Variants in MLIP observed in about 807,000 individuals in gnomAD.
MLIP encodes muscular LMNA interacting protein, also known as muscular LMNA-interacting protein.
In MLIP, 79 loss-of-function variants were observed where a neutral mutation model predicts 84.8. The observed-to-expected ratio is 0.93, with a 90% CI of 0.78 to 1.12. MLIP has a LOEUF of 1.12. MLIP is among the 50% of genes most tolerant of loss of function. The pLI is 0.00. For missense variants in MLIP, 1,257 were observed against 1,160.6 expected, an observed-to-expected ratio of 1.08 and a Z score of -1.21; for synonymous variants, 504 against 463.0, an observed-to-expected ratio of 1.09 and a Z score of -1.14.
chr6:54,252,013 TA>T (rs1181038261), intron 12 of MLIP, among the ~76,000 whole-genome samples: 5 of 91,840 alleles, frequency 5.4e-5, no homozygotes, highest in Admixed American at 3.8e-4. Flanking sequence ...ACATAATATA[TA>T]ATATAAATAT....
intron 13 of MLIP, among the ~76,000 whole-genome samples, chr6:54,264,955 G>A (rs1027210028): frequency 6.6e-6 from 1 of 152,044 alleles, no homozygotes; most frequent in Non-Finnish European, 1.5e-5. Context: ...TCACAATCCT[G>A]TTTAGCTGCT....
At chr6:54,085,341 C>G (rs1479080990) in intron 1 of MLIP, among the ~76,000 whole-genome samples, 1 of 152,122 alleles carries the variant, frequency 6.6e-6, no homozygotes, top group African/African-American at 2.4e-5. Context: ...TGCTGTATGA[C>G]CTTGGGGGAG....
At chr6:54,258,819 A>G (rs776105280) in intron 13 of MLIP, among the ~76,000 whole-genome samples, 2 of 152,012 alleles carry the variant, frequency 1.3e-5, no homozygotes, top group Non-Finnish European at 2.9e-5. Flanking sequence ...TCAAATAGCT[A>G]GGAAGTGTCT....
intron 11 of MLIP, among the ~76,000 whole-genome samples, chr6:54,212,034 T>C (rs1220573223): frequency 6.6e-6 from 1 of 152,194 alleles, no homozygotes; most frequent in East Asian, 1.9e-4. Flanking sequence ...ATTCCAAATA[T>C]TGTCCCATGT....
intron 11 of MLIP, among the ~76,000 whole-genome samples, chr6:54,209,640 C>T (rs1371094231): frequency 6.6e-6 from 1 of 152,040 alleles, no homozygotes; most frequent in Non-Finnish European, 1.5e-5. Context: ...ACACCTTGAA[C>T]AATGAGCCTC....
At chr6:54,085,979 T>A (rs113355485) in intron 1 of MLIP, among the ~76,000 whole-genome samples, 4 of 152,202 alleles carry the variant, frequency 2.6e-5, no homozygotes, top group African/African-American at 9.6e-5. Context: ...TTCCAGGCCC[T>A]TTGTATTCTC....
At chr6:54,263,585 G>A (rs1030640690) in intron 13 of MLIP, among the ~76,000 whole-genome samples, 1 of 151,878 alleles carries the variant, frequency 6.6e-6, no homozygotes, top group African/African-American at 2.4e-5. Context: ...TAAAGAATAT[G>A]CATATTTGAT....
chr6:54,083,415 G>C (rs1582098959), intron 1 of MLIP: 1 of 1,462,220 alleles, frequency 6.8e-7, no homozygotes, highest in Non-Finnish European at 9.1e-7. Context: ...GAAGCAGGGA[G>C]GAAGGAGGGC....
intron 1 of MLIP, among the ~76,000 whole-genome samples, chr6:54,048,610 T>C (rs1765204732): frequency 6.6e-6 from 1 of 152,122 alleles, no homozygotes; most frequent in African/African-American, 2.4e-5. Context: ...AGCCATCAGT[T>C]ATTGGGGAGG....
At chr6:54,067,526 A>G (rs1456937828) in intron 1 of MLIP, among the ~76,000 whole-genome samples, 2 of 101,512 alleles carry the variant, frequency 2.0e-5, no homozygotes, top group African/African-American at 5.1e-5. Context: ...AAATAGAAAT[A>G]AAAGTTTCAC....
intron 4 of MLIP, among the ~76,000 whole-genome samples, chr6:54,139,755 TAA>T (rs1772134840): frequency 6.6e-6 from 1 of 152,144 alleles, no homozygotes; most frequent in African/African-American, 2.4e-5. Flanking sequence ...TATGTAATGT[TAA>T]GTCTGTTGAT....
chr6:54,139,873 A>T (rs1772141647), intron 4 of MLIP, among the ~76,000 whole-genome samples: 1 of 152,170 alleles, frequency 6.6e-6, no homozygotes, highest in African/African-American at 2.4e-5. Context: ...ATCATTATTA[A>T]GGAATTATAA....
chr6:54,169,319 G>A lies in MLIP; in HGVS notation c.2500-209G>A, dbSNP rs12215792. The stretch of plus-strand genomic sequence containing the variant: ...TGAGTTGACATCATCAATAAATAAG[G>A]AGAAATTACCAGAAAGCTGATAAAG... On this transcript the variant is annotated intron_variant, in intron 8 of 13. Transcript: ENST00000502396. Among the ~76,000 whole-genome samples the A allele has an allele frequency of 9.0e-3, 1,359 of 151,746 alleles. 10 individuals are homozygous for A. Among genetic ancestry groups the A allele is most frequent in the Non-Finnish European group, 0.014 (945 of 67,742 alleles).
chr6:54,138,435 T>G (rs1392790124), intron 4 of MLIP, 149 bp downstream of exon 4: 2 of 830,292 alleles, frequency 2.4e-6, no homozygotes, highest in African/African-American at 3.4e-5. Context: ...GGACTTGGTA[T>G]ATTTGAATGT....
chr6:54,239,985 G>A (rs376702307), intron 12 of MLIP, among the ~76,000 whole-genome samples: 2 of 152,108 alleles, frequency 1.3e-5, no homozygotes, highest in Non-Finnish European at 2.9e-5. Flanking sequence ...ATAGTGAAAT[G>A]CAAGTTAAAA....
intron 1 of MLIP, among the ~76,000 whole-genome samples, chr6:54,092,175 A>G (rs893827732): frequency 2.0e-5 from 3 of 152,192 alleles, no homozygotes; most frequent in African/African-American, 7.2e-5. Flanking sequence ...TATCACACGC[A>G]CTGGCACTAC....
chr6:54,247,081 A>G (rs928804095), intron 12 of MLIP, among the ~76,000 whole-genome samples: 1 of 152,164 alleles, frequency 6.6e-6, no homozygotes, highest in Non-Finnish European at 1.5e-5. Flanking sequence ...GTTTTTATTT[A>G]GCAAATATTC....
intron 1 of MLIP, among the ~76,000 whole-genome samples, chr6:54,036,212 T>G (rs1014039120): frequency 2.0e-5 from 3 of 150,244 alleles, no homozygotes; most frequent in African/African-American, 7.3e-5. Flanking sequence ...TGACAGTTTA[T>G]TTTCCTGTGA....
chr6:54,158,489 T>G (rs1489372542), intron 5 of MLIP, among the ~76,000 whole-genome samples: 1 of 152,146 alleles, frequency 6.6e-6, no homozygotes, highest in Non-Finnish European at 1.5e-5. Context: ...ATATATTTTT[T>G]GTGTAACCTT....
Sources: allele counts gnomAD v4.1 joint callset (sites outside exome capture counted in the v4.1 genomes callset), GRCh38; gene constraint gnomAD v4.1.1; transcripts MANE v1.5; gene names NCBI Gene and HGNC (gene_info 2026-07-23, HGNC 2026-07-21).